SP110: variants seen among roughly 807,000 people sequenced by gnomAD.
The protein encoded by SP110 is interferon-induced protein 41, 30kD.
A neutral mutation model predicts 92.7 loss-of-function variants in SP110; 62 were observed. The observed-to-expected ratio is 0.67, with a 90% CI of 0.55 to 0.83. SP110 has a LOEUF of 0.83. Among genes scored for constraint, SP110 ranks in the 40% least tolerant of loss-of-function variants. SP110 has a pLI of 0.00. For synonymous variants in SP110, 273 were observed against 305.3 expected, an observed-to-expected ratio of 0.89 and a Z score of 1.10; for missense variants, 793 against 863.9, an observed-to-expected ratio of 0.92 and a Z score of 1.03.
At chr2:230,185,861 T>A in intron 11 of SP110, 133 bp downstream of exon 11, 1 of 844,026 alleles carries the variant, frequency 1.2e-6, no homozygotes, top group African/African-American at 1.7e-5. Flanking sequence ...CCGTGCTCTG[T>A]CTTCATGTCC....
In SP110 at chr2:230,183,592, T is replaced by C. The variant is rs772597726; in HGVS notation, c.1328A>G (p.Gln443Arg). ...DICSSSKRRF[Q>R]KNIHRRGKPK... is the part of the protein sequence containing the mutation. Reference sequence around the variant, plus strand: ...CTTACCTCTTCGGTGAATATTTTTCTGAAATCTCCTTTTTGAGCTTGAACA... The same window carrying C: ...CTTACCTCTTCGGTGAATATTTTTCCGAAATCTCCTTTTTGAGCTTGAACA... Residue 443 changes from glutamine (Q) to arginine (R), a missense_variant, in exon 12 of 19, where the codon CAG (glutamine) becomes CGG (arginine). Gln to Arg is a conservative substitution (Grantham distance 43, BLOSUM62 1). Coordinates refer to ENST00000258381, the MANE Select transcript of SP110 (RefSeq NM_080424.4). 1 of 1,610,312 alleles carries C rather than the reference T, an allele frequency of 6.2e-7. No homozygotes were observed.
chr2:230,209,949 T>C lies in SP110; in HGVS notation c.811A>G (p.Thr271Ala), dbSNP rs2044286497. The change falls in exon 7 of 19, where the codon ACA (threonine) becomes GCA (alanine). Residue 271 changes from threonine to alanine, a missense_variant. Coordinates refer to ENST00000258381, the MANE Select transcript of SP110 (RefSeq NM_080424.4). ...TTCTTACCTTTCTTGTCTGAAGGTG[T>C]GCTGGACACCTCCTGGGGCTCTTCT... The part of the protein sequence containing the change: ...DPEEPQEVSS[T>A]PSDKKGKKRK... The C allele has an allele frequency of 6.2e-7, 1 of 1,606,594 alleles. No individual in the cohort carries two copies. Among genetic ancestry groups the C allele is most frequent in the East Asian group, 2.2e-5 (1 of 44,866 alleles).
rs985030187 is a variant in SP110, at chr2:230,192,373, T to C, written c.1130-6230A>G. Among the ~76,000 whole-genome samples, 10 of 152,290 alleles carry C rather than the reference T, an allele frequency of 6.6e-5. No individual in the cohort carries two copies. The East Asian group carries it at 1.9e-3, about 29-fold the overall frequency. Reference sequence around the variant, plus strand: ...TCTGTTTGCAGATGACATGATTATATACTTAGAAAACCCCATCATCTCAGC... The same window carrying C: ...TCTGTTTGCAGATGACATGATTATACACTTAGAAAACCCCATCATCTCAGC... On this transcript the variant is annotated intron_variant, in intron 10 of 18. Transcript: ENST00000258381.
intron 12 of SP110, among the ~76,000 whole-genome samples, chr2:230,183,275 T>C (rs1276934464): frequency 6.6e-6 from 1 of 152,228 alleles, no homozygotes; most frequent in East Asian, 1.9e-4. Flanking sequence ...ATGGAAGACA[T>C]AGAAGTTCAT....
Position 230,177,052 on chromosome 2 carries a change from T to C in SP110, c.1590+486A>G, listed in dbSNP as rs148362902. Among the ~76,000 whole-genome samples the C allele has an allele frequency of 4.1e-3, 632 of 152,300 alleles. 3 individuals are homozygous for C. Among genetic ancestry groups the C allele is most frequent in the African/African-American group, 0.015 (605 of 41,566 alleles). On this transcript the variant is annotated intron_variant, in intron 14 of 18. Transcript: ENST00000258381. ...TTCATCCTAGTGATAATTTCTTGAG[T>C]GTTGCTGAGAGAGGCCTTGTGTTGG...
At chr2:230,180,771 G>A (rs1395801916) in intron 12 of SP110, among the ~76,000 whole-genome samples, 1 of 152,166 alleles carries the variant, frequency 6.6e-6, no homozygotes, top group African/African-American at 2.4e-5. Context: ...AGTGCAGAAG[G>A]GAGAAGAAAC....
Position 230,212,372 on chromosome 2 carries a change from G to C in SP110, c.642C>G (p.Pro214=). Residue 214 remains proline (P), a synonymous_variant, in exon 5 of 19, where the codon CCC becomes CCG. Coordinates refer to ENST00000258381, the MANE Select transcript of SP110 (RefSeq NM_080424.4). ...MNAEEDSEEM[P]SLLTSTVQVA... The stretch of plus-strand genomic sequence containing the variant: ...CTTGCACAGTGCTAGTGAGGAGGCT[G>C]GGCATCTCTTCTGAGTCTTCTTCCG... 2 of 1,613,130 alleles carry C rather than the reference G, an allele frequency of 1.2e-6. No homozygotes were observed. Among genetic ancestry groups the C allele is most frequent in the Admixed American group, 3.3e-5 (2 of 60,024 alleles).
At chr2:230,188,822 T>C (rs1303128665) in intron 10 of SP110, among the ~76,000 whole-genome samples, 1 of 152,236 alleles carries the variant, frequency 6.6e-6, no homozygotes, top group Non-Finnish European at 1.5e-5. Context: ...ATCCCTGGGA[T>C]TAAATCCACT....
rs761258911 is a variant in SP110, at chr2:230,169,078, C to T, written c.*46G>A. ...TCAACAGTCCAAGCCAGGGTCCCATCAGCTGAATCCTGAGGTGGGGATGCT... is the reference window on the plus strand; with the variant it reads ...TCAACAGTCCAAGCCAGGGTCCCATTAGCTGAATCCTGAGGTGGGGATGCT... On this transcript the variant is annotated 3_prime_UTR_variant, in exon 19 of 19. Transcript: ENST00000258381. 3 of 1,275,002 alleles carry T rather than the reference C, an allele frequency of 2.4e-6. No individual in the cohort carries two copies. Among genetic ancestry groups the T allele is most frequent in the African/African-American group, 1.5e-5 (1 of 68,438 alleles). 79.0% of individuals were successfully genotyped at this position (1,275,002 alleles called of 1,614,324 possible).
chr2:230,222,510 G>C (rs973423110), upstream of SP110, among the ~76,000 whole-genome samples: 14 of 152,226 alleles, frequency 9.2e-5, no homozygotes, highest in African/African-American at 3.4e-4. Context: ...CTTGAGCCCA[G>C]GTGTTTGAGA....
intron 7 of SP110, among the ~76,000 whole-genome samples, chr2:230,208,705 T>C (rs894623720): frequency 6.6e-6 from 1 of 152,088 alleles, no homozygotes; most frequent in Admixed American, 6.5e-5. Context: ...TAAGGAGAGA[T>C]GATTTGTGCT....
chr2:230,181,889 C>T (rs2042143225), intron 12 of SP110, among the ~76,000 whole-genome samples: 1 of 152,272 alleles, frequency 6.6e-6, no homozygotes, highest in South Asian at 2.1e-4. Flanking sequence ...TGAAAGACCT[C>T]GAAGCAATTC....
chr2:230,180,300 CA>C (rs2042072559), intron 12 of SP110, among the ~76,000 whole-genome samples: 1 of 152,008 alleles, frequency 6.6e-6, no homozygotes, highest in Non-Finnish European at 1.5e-5. Flanking sequence ...TCCAGAAGAC[CA>C]ACTCCAGGAA....
chr2:230,168,108 C>CAAAAAAAAAAAAA lies in SP110; in HGVS notation c.*1003_*1015dup, dbSNP rs57421361. 3 of 62,456 alleles carry CAAAAAAAAAAAAA rather than the reference C, an allele frequency of 4.8e-5. No individual in the cohort carries two copies. The highest frequency in any genetic ancestry group is 6.2e-5 in the African/African-American group (1 of 16,168). 3.9% of individuals were successfully genotyped at this position (62,456 alleles called of 1,614,324 possible). A position where few individuals can be genotyped will look rare whatever the true frequency, so the allele number is the denominator to read the frequency against. On this transcript the variant is annotated 3_prime_UTR_variant, in exon 19 of 19. Transcript: ENST00000258381. ...TGGGTGACAGAGTGAGACTCTGTCT[C>CAAAAAAAAAAAAA]AAAAAAAAAAAAAAAAAAAAAAAAA...
rs202198335 is a variant in SP110 at position 230,202,646 on chromosome 2, A to G, written c.981T>C (p.Cys327=). Residue 327 remains cysteine, a synonymous_variant, in exon 9 of 19, where the codon TGT becomes TGC. Transcript: ENST00000258381. ...GGGCCCTTGTCTCTACCGTGGAGTTACAAGTTGAGTCATCTTTCTTTTGAG... is the reference window on the plus strand; with the variant it reads ...GGGCCCTTGTCTCTACCGTGGAGTTGCAAGTTGAGTCATCTTTCTTTTGAG... ...QVPQKKDDST[C]NSTVETRAQK... The G allele has an allele frequency of 1.3e-4, 205 of 1,613,912 alleles. No homozygotes were observed. The highest frequency in any genetic ancestry group is 1.5e-4 in the Non-Finnish European group (182 of 1,179,892).
chr2:230,175,731 T>G (rs1042149243), intron 14 of SP110, among the ~76,000 whole-genome samples: 4 of 152,104 alleles, frequency 2.6e-5, no homozygotes, highest in Non-Finnish European at 5.9e-5. Flanking sequence ...GGGGAGTTAG[T>G]GCAGCCAATA....
intron 10 of SP110, among the ~76,000 whole-genome samples, chr2:230,197,718 G>A (rs1211480828): frequency 6.6e-6 from 1 of 151,668 alleles, no homozygotes; most frequent in Non-Finnish European, 1.5e-5. Context: ...ATTAATTTTT[G>A]TATAAGGTGT....
chr2:230,217,422 C>A (rs1472641459), intron 1 of SP110, among the ~76,000 whole-genome samples: 1 of 152,084 alleles, frequency 6.6e-6, no homozygotes, highest in African/African-American at 2.4e-5. Flanking sequence ...CAATTCCCAG[C>A]AACAATGGAG....
At chr2:230,218,801 G>A (rs2045516282) in intron 1 of SP110, among the ~76,000 whole-genome samples, 1 of 152,094 alleles carries the variant, frequency 6.6e-6, no homozygotes. Context: ...AAGAGATTTT[G>A]CAAACGAATA....
Sources: gnomAD v4.1 joint callset for allele counts (sites outside exome capture counted in the v4.1 genomes callset) on GRCh38, gnomAD v4.1.1 for gene constraint, MANE v1.5 for transcripts, NCBI Gene and HGNC (gene_info 2026-07-23, HGNC 2026-07-21) for gene names.